Variants in CNTNAP2 observed in about 807,000 individuals in gnomAD.
The protein encoded by CNTNAP2 is contactin-associated protein-like 2.
CNTNAP2 carries 98 observed loss-of-function variants against 155.2 expected under a neutral mutation model. The observed-to-expected ratio is 0.63, with a 90% CI of 0.54 to 0.75. The LOEUF (loss-of-function observed/expected upper bound fraction) is 0.75. CNTNAP2 is among the 30% of genes least tolerant of loss of function. The pLI, the probability that CNTNAP2 is intolerant of heterozygous loss-of-function variation, is 0.00. For missense variants in CNTNAP2, 1,727 were observed against 1,688.1 expected, an observed-to-expected ratio of 1.02 and a Z score of -0.40; for synonymous variants, 651 against 631.2, an observed-to-expected ratio of 1.03 and a Z score of -0.47.
At position 147,945,822 on chromosome 7, in the gene CNTNAP2, C is replaced by T. The variant is rs148381860; in HGVS notation, c.2256-32040C>T. 2.1e-4 allele frequency among the ~76,000 whole-genome samples: 31 copies of T among 151,094 alleles called. No homozygotes were observed. The East Asian group carries it at 2.5e-3, about 12-fold the overall frequency. On this transcript the variant is annotated intron_variant, in intron 14 of 23. Transcript: ENST00000361727. ...GTTGCACTCCCTGGAAACCATTCTT[C>T]GCATTCCCCACTTACTTCTCTTTTC...
At chr7:147,529,751 C>T (rs1047242710) in intron 11 of CNTNAP2, among the ~76,000 whole-genome samples, 2 of 152,176 alleles carry the variant, frequency 1.3e-5, no homozygotes, top group Middle Eastern at 3.2e-3. Flanking sequence ...GCAATTTTAT[C>T]ATTAGAGATT....
At chr7:147,709,355 A>G (rs1025161535) in intron 13 of CNTNAP2, among the ~76,000 whole-genome samples, 1 of 152,168 alleles carries the variant, frequency 6.6e-6, no homozygotes, top group African/African-American at 2.4e-5. Flanking sequence ...TTTACTTCCA[A>G]TAAAACTCTT....
intron 20 of CNTNAP2, among the ~76,000 whole-genome samples, chr7:148,244,476 T>G (rs530396155): frequency 2.0e-5 from 3 of 152,286 alleles, no homozygotes; most frequent in Non-Finnish European, 2.9e-5. Flanking sequence ...TTGGAAAATA[T>G]GTTTTGGATT....
intron 15 of CNTNAP2, among the ~76,000 whole-genome samples, chr7:148,092,584 G>T (rs1008148503): frequency 6.6e-6 from 1 of 152,182 alleles, no homozygotes; most frequent in African/African-American, 2.4e-5. Flanking sequence ...CTAGTCCGAA[G>T]CCTAGTGGTT....
intron 1 of CNTNAP2, among the ~76,000 whole-genome samples, chr7:146,708,873 C>T (rs1012103215): frequency 1.3e-5 from 2 of 151,922 alleles, no homozygotes; most frequent in African/African-American, 4.8e-5. Context: ...CAGGCGTGAA[C>T]CACTGCGCCT....
intron 3 of CNTNAP2, among the ~76,000 whole-genome samples, chr7:146,943,748 G>C (rs921549578): frequency 1.3e-5 from 2 of 152,046 alleles, no homozygotes; most frequent in African/African-American, 4.8e-5. Context: ...TGGGCCCCAT[G>C]GTGTCATTCA....
chr7:147,788,900 C>CTTTTTTTT (rs11440955), intron 13 of CNTNAP2, among the ~76,000 whole-genome samples: 399 of 100,736 alleles, frequency 4.0e-3, no homozygotes, highest in South Asian at 8.3e-3. Context: ...TTTTCTTTTT[C>CTTTTTTTT]TTTTTTTTTT....
At chr7:146,339,063 T>C (rs1584876933) in intron 1 of CNTNAP2, among the ~76,000 whole-genome samples, 1 of 152,222 alleles carries the variant, frequency 6.6e-6, no homozygotes, top group East Asian at 1.9e-4. Flanking sequence ...CAGGTGCCTG[T>C]AATCCCAGCT....
At chr7:146,971,050 GCA>G (rs1797784379) in intron 3 of CNTNAP2, among the ~76,000 whole-genome samples, 2 of 152,086 alleles carry the variant, frequency 1.3e-5, no homozygotes, top group African/African-American at 4.8e-5. Flanking sequence ...ATCACACTCT[GCA>G]GACTGTTGTG....
At chr7:146,400,773 T>C (rs544669371) in intron 1 of CNTNAP2, among the ~76,000 whole-genome samples, 1 of 152,164 alleles carries the variant, frequency 6.6e-6, no homozygotes, top group East Asian at 1.9e-4. Flanking sequence ...CACTGAAAAA[T>C]GAGTTAATGT....
At chr7:146,321,329 T>A (rs1402981284) in intron 1 of CNTNAP2, among the ~76,000 whole-genome samples, 1 of 152,224 alleles carries the variant, frequency 6.6e-6, no homozygotes, top group Non-Finnish European at 1.5e-5. Context: ...AAATTTGTTT[T>A]ACTTTTTAGG....
intron 8 of CNTNAP2, among the ~76,000 whole-genome samples, chr7:147,257,517 C>T (rs1804358939): frequency 6.6e-6 from 1 of 152,166 alleles, no homozygotes; most frequent in Non-Finnish European, 1.5e-5. Flanking sequence ...AAGGGGTATT[C>T]CTCTCATAAA....
Position 146,328,267 on chromosome 7 carries a change from C to T in CNTNAP2, c.97+211294C>T, listed in dbSNP as rs144108581. On this transcript the variant is annotated intron_variant, in intron 1 of 23. Coordinates refer to ENST00000361727, the MANE Select transcript of CNTNAP2 (RefSeq NM_014141.6). ...CTGATGATCTGAGGTGAAACAGTTT[C>T]ATCCTAAAACATCCCCTCCTGTCCA... Among the ~76,000 whole-genome samples the T allele has an allele frequency of 8.5e-3, 1,295 of 152,244 alleles. 23 individuals are homozygous for T. The highest frequency in any genetic ancestry group is 0.029 in the African/African-American group (1,219 of 41,546).
intron 21 of CNTNAP2, among the ~76,000 whole-genome samples, chr7:148,371,321 G>A (rs546601149): frequency 8.5e-5 from 13 of 152,242 alleles, no homozygotes; most frequent in African/African-American, 2.9e-4. Context: ...AGGTGATTGG[G>A]GTGGGGGAAG....
intron 15 of CNTNAP2, among the ~76,000 whole-genome samples, chr7:148,115,293 A>T (rs966623060): frequency 2.6e-5 from 4 of 152,234 alleles, no homozygotes; most frequent in African/African-American, 9.6e-5. Context: ...GACATGTTTT[A>T]CTTTTAGCTT....
intron 3 of CNTNAP2, chr7:146,915,965 T>C (rs933306733): frequency 1.3e-5 from 2 of 152,196 alleles, no homozygotes; most frequent in African/African-American, 4.8e-5. Flanking sequence ...TTGTTATATA[T>C]GGCTTTTATT....
intron 21 of CNTNAP2, among the ~76,000 whole-genome samples, chr7:148,278,311 A>G (rs978910989): frequency 6.6e-6 from 1 of 152,086 alleles, no homozygotes; most frequent in Non-Finnish European, 1.5e-5. Context: ...TCACGCCTGT[A>G]ATCCCAGCAC....
At chr7:147,720,276 G>A (rs1014996436) in intron 13 of CNTNAP2, among the ~76,000 whole-genome samples, 1 of 152,090 alleles carries the variant, frequency 6.6e-6, no homozygotes, top group African/African-American at 2.4e-5. Flanking sequence ...ATACTGTTAT[G>A]TCTGTGGGAG....
chr7:148,280,272 T>A (rs116573208), intron 21 of CNTNAP2, among the ~76,000 whole-genome samples: 246 of 152,244 alleles, frequency 1.6e-3, no homozygotes, highest in African/African-American at 5.4e-3. Flanking sequence ...ATCATGCTAC[T>A]GTACTGCATC....
Sources: allele counts gnomAD v4.1 joint callset (sites outside exome capture counted in the v4.1 genomes callset), GRCh38; gene constraint gnomAD v4.1.1; transcripts MANE v1.5; gene names NCBI Gene and HGNC (gene_info 2026-07-23, HGNC 2026-07-21).